The following NCAM2 variants were observed in gnomAD, a reference collection of about 807,000 sequenced individuals.
NCAM2 encodes the protein neural cell adhesion molecule 2, also known as N-CAM-2.
In NCAM2, 30 loss-of-function variants were observed where a neutral mutation model predicts 98.1. The observed-to-expected ratio is 0.31, with a 90% CI of 0.23 to 0.41. NCAM2 has a LOEUF of 0.41. NCAM2 is among the 10% of genes least tolerant of loss of function. The pLI is 1.00. For synonymous variants in NCAM2, 368 were observed against 342.4 expected (o/e 1.07, Z -0.83); for missense variants, 867 against 1,005.8 (o/e 0.86, Z 1.87).
rs1315120690 is a variant in NCAM2 at position 21,538,184 on chromosome 21, A to G, written c.*227A>G. The stretch of plus-strand genomic sequence containing the variant: ...TTTTGTTAAGAATTTCAATATCAAG[A>G]CTGACTGGCACCAACACTTTGGTAT... On this transcript the variant is annotated 3_prime_UTR_variant, in exon 18 of 18. Transcript: ENST00000400546. The G allele has an allele frequency of 6.9e-6, 2 of 291,854 alleles. No individual in the cohort carries two copies. The highest frequency in any genetic ancestry group is 2.2e-5 in the African/African-American group (1 of 46,022). 18.1% of individuals were successfully genotyped at this position (291,854 alleles called of 1,614,324 possible).
intron 15 of NCAM2, among the ~76,000 whole-genome samples, chr21:21,498,625 G>A (rs1987415275): frequency 6.6e-6 from 1 of 152,126 alleles, no homozygotes; most frequent in South Asian, 2.1e-4. Context: ...AAGATGTAAT[G>A]CCTTTTTATA....
chr21:21,220,066 AAAAAC>A (rs1247582094), intron 1 of NCAM2, among the ~76,000 whole-genome samples: 5 of 152,204 alleles, frequency 3.3e-5, no homozygotes, highest in Non-Finnish European at 7.4e-5. Flanking sequence ...AAGTTAAAAA[AAAAAC>A]CTTTATAAAG....
intron 1 of NCAM2, among the ~76,000 whole-genome samples, chr21:21,000,026 A>C (rs2063990265): frequency 1.3e-5 from 2 of 152,200 alleles, no homozygotes; most frequent in Non-Finnish European, 2.9e-5. Flanking sequence ...TTCCCTTCCT[A>C]ACATAGAGTA....
At chr21:21,052,057 A>C (rs2065119605) in intron 1 of NCAM2, among the ~76,000 whole-genome samples, 1 of 152,042 alleles carries the variant, frequency 6.6e-6, no homozygotes, top group Non-Finnish European at 1.5e-5. Context: ...TGGAGTATGA[A>C]CGAATTCATC....
chr21:21,295,092 A>G (rs1383452927), intron 5 of NCAM2, among the ~76,000 whole-genome samples: 3 of 151,692 alleles, frequency 2.0e-5, no homozygotes, highest in Non-Finnish European at 2.9e-5. Context: ...TTCCACCTCA[A>G]GTATACCGAA....
chr21:21,333,644 G>T (rs1318238536), intron 6 of NCAM2, among the ~76,000 whole-genome samples: 2 of 152,044 alleles, frequency 1.3e-5, no homozygotes, highest in Non-Finnish European at 2.9e-5. Context: ...TTTTATTTGT[G>T]AATTGAGGAG....
chr21:21,185,616 G>C (rs2068614789), intron 1 of NCAM2, among the ~76,000 whole-genome samples: 1 of 152,112 alleles, frequency 6.6e-6, no homozygotes, highest in Admixed American at 6.5e-5. Flanking sequence ...CCCAAAGCTT[G>C]TGTTGTAGTA....
At chr21:21,199,411 A>G (rs2069127762) in intron 1 of NCAM2, among the ~76,000 whole-genome samples, 1 of 152,142 alleles carries the variant, frequency 6.6e-6, no homozygotes, top group Non-Finnish European at 1.5e-5. Flanking sequence ...TGTGGCTCAG[A>G]CCTGGGTAGA....
intron 1 of NCAM2, among the ~76,000 whole-genome samples, chr21:21,078,433 A>G (rs1568998239): frequency 6.6e-6 from 1 of 152,222 alleles, no homozygotes; most frequent in Non-Finnish European, 1.5e-5. Flanking sequence ...AAAGCTTTAT[A>G]TAATTCAGAT....
At chr21:21,488,723 AATATG>A (rs1358984690) in intron 15 of NCAM2, among the ~76,000 whole-genome samples, 2 of 151,782 alleles carry the variant, frequency 1.3e-5, no homozygotes, top group African/African-American at 4.8e-5. Flanking sequence ...ATTTGATATT[AATATG>A]ATATAAGCAA....
At chr21:21,482,677 A>G (rs965365887) in intron 15 of NCAM2, among the ~76,000 whole-genome samples, 41 of 151,890 alleles carry the variant, frequency 2.7e-4, no homozygotes, top group African/African-American at 9.7e-4. Context: ...ATAAAATATT[A>G]CATTGATAAC....
chr21:21,314,466 T>G (rs1294135088), intron 5 of NCAM2, among the ~76,000 whole-genome samples: 1 of 152,138 alleles, frequency 6.6e-6, no homozygotes, highest in East Asian at 1.9e-4. Context: ...ATGAACTGTT[T>G]TGGGTTTTTC....
intron 8 of NCAM2, among the ~76,000 whole-genome samples, chr21:21,355,560 AGAAG>A (rs576381683): frequency 9.3e-4 from 139 of 149,986 alleles, no homozygotes; most frequent in South Asian, 2.3e-3. Flanking sequence ...GACGGAGGAA[AGAAG>A]GAAGGAAGGA....
At chr21:21,449,155 A>G (rs1980639445) in intron 12 of NCAM2, among the ~76,000 whole-genome samples, 2 of 152,044 alleles carry the variant, frequency 1.3e-5, no homozygotes. Context: ...GAGAACTTCT[A>G]TGCAAATACT....
chr21:21,039,675 C>T (rs1295372016), intron 1 of NCAM2, among the ~76,000 whole-genome samples: 2 of 152,078 alleles, frequency 1.3e-5, no homozygotes, highest in Non-Finnish European at 2.9e-5. Context: ...TTGGATTTTT[C>T]GTGTGTGAAA....
chr21:21,188,687 A>T (rs753709179), intron 1 of NCAM2, among the ~76,000 whole-genome samples: 10 of 152,214 alleles, frequency 6.6e-5, no homozygotes, highest in Non-Finnish European at 1.3e-4. Context: ...TGTAAATTGT[A>T]GATGACAAAA....
chr21:21,326,658 TATA>T (rs1387596053), intron 6 of NCAM2, among the ~76,000 whole-genome samples: 1 of 152,126 alleles, frequency 6.6e-6, no homozygotes, highest in Non-Finnish European at 1.5e-5. Flanking sequence ...CAAAGAATAA[TATA>T]ATGAGTAATT....
intron 1 of NCAM2, among the ~76,000 whole-genome samples, chr21:21,151,457 C>T (rs1253465049): frequency 2.6e-5 from 4 of 152,042 alleles, no homozygotes; most frequent in African/African-American, 9.7e-5. Context: ...GGCTAATTCA[C>T]ATCTTCTAAA....
At chr21:21,071,805 A>T (rs187298846) in intron 1 of NCAM2, among the ~76,000 whole-genome samples, 181 of 152,304 alleles carry the variant, frequency 1.2e-3, no homozygotes, top group Non-Finnish European at 1.5e-3. Flanking sequence ...GGGAAATGGA[A>T]AAAAGATTCA....
Sources: allele counts gnomAD v4.1 joint callset (sites outside exome capture counted in the v4.1 genomes callset), GRCh38; gene constraint gnomAD v4.1.1; transcripts MANE v1.5; gene names NCBI Gene and HGNC (gene_info 2026-07-23, HGNC 2026-07-21).